Variants in PCNX4 observed in about 807,000 individuals in gnomAD.
The protein encoded by PCNX4 is pecanex 4, also known as pecanex-like protein 4.
PCNX4 carries 103 observed loss-of-function variants against 107.2 expected under a neutral mutation model. The observed-to-expected ratio is 0.96, with a 90% CI of 0.82 to 1.13. The LOEUF (loss-of-function observed/expected upper bound fraction) is 1.13, where lower values mean the gene tolerates loss of function less well. Among genes scored for constraint, PCNX4 ranks in the 50% most tolerant of loss-of-function variants. The pLI is 0.00. For missense variants in PCNX4, 1,528 were observed against 1,379.4 expected (o/e 1.11, Z -1.71); for synonymous variants, 541 against 481.7 (o/e 1.12, Z -1.61).
At chr14:60,099,731 A>T (rs1439164714) in intron 1 of PCNX4, among the ~76,000 whole-genome samples, 1 of 152,198 alleles carries the variant, frequency 6.6e-6, no homozygotes, top group Non-Finnish European at 1.5e-5. Context: ...TAAATATTTA[A>T]TCTTTTCTAG....
At chr14:60,103,376 A>G (rs758715676) in intron 1 of PCNX4, among the ~76,000 whole-genome samples, 1 of 152,212 alleles carries the variant, frequency 6.6e-6, no homozygotes, top group African/African-American at 2.4e-5. Context: ...CAAAGATCTC[A>G]AAGGCTTTAG....
intron 3 of PCNX4, 44 bp downstream of exon 3, chr14:60,114,923 G>T: frequency 6.4e-7 from 1 of 1,559,286 alleles, no homozygotes; most frequent in Non-Finnish European, 8.6e-7. Context: ...TATTCTTAAA[G>T]AACATTTTTC....
At chr14:60,092,775 G>C (rs1895330830) in intron 1 of PCNX4, among the ~76,000 whole-genome samples, 1 of 152,112 alleles carries the variant, frequency 6.6e-6, no homozygotes, top group Non-Finnish European at 1.5e-5. Flanking sequence ...TGTCCGAATT[G>C]TTCAACTCAT....
At chr14:60,112,200 G>T (rs749894925) in intron 2 of PCNX4, among the ~76,000 whole-genome samples, 11 of 152,076 alleles carry the variant, frequency 7.2e-5, no homozygotes, top group Non-Finnish European at 1.6e-4. Context: ...GCTTAGCTCA[G>T]ACACTCAGGA....
intron 2 of PCNX4, among the ~76,000 whole-genome samples, chr14:60,112,483 T>TA (rs1412105228): frequency 6.6e-6 from 1 of 152,222 alleles, no homozygotes; most frequent in Non-Finnish European, 1.5e-5. Flanking sequence ...AATGATCCAT[T>TA]TGGAGCTAAG....
chr14:60,104,147 C>T (rs540978377), intron 1 of PCNX4, among the ~76,000 whole-genome samples: 16 of 151,976 alleles, frequency 1.1e-4, no homozygotes, highest in African/African-American at 3.9e-4. Flanking sequence ...GGTGAAACCC[C>T]GTCTCCACTA....
chr14:60,096,129 G>A (rs1336459606), intron 1 of PCNX4, among the ~76,000 whole-genome samples: 2 of 128,786 alleles, frequency 1.6e-5, no homozygotes, highest in African/African-American at 5.3e-5. Flanking sequence ...ATTAACGAAG[G>A]TTTTGGGTGT....
rs115797431 is a variant in PCNX4, at chr14:60,098,010, G to A, written c.-54+5591G>A. Among the ~76,000 whole-genome samples the A allele has an allele frequency of 8.6e-3, 1,306 of 152,158 alleles. 16 individuals are homozygous for A. Among genetic ancestry groups the A allele is most frequent in the African/African-American group, 0.03 (1,232 of 41,514 alleles). On this transcript the variant is annotated intron_variant, in intron 1 of 10. Coordinates refer to ENST00000406854, the MANE Select transcript of PCNX4 (RefSeq NM_001330177.2). ...GAGCATCACCCTCTTCGACTTCGAC[G>A]AGGACCATCATTTTAAGTTTCACCT... is the stretch of plus-strand genomic sequence containing the variant.
chr14:60,095,759 C>T (rs930517468), intron 1 of PCNX4, among the ~76,000 whole-genome samples: 2 of 149,048 alleles, frequency 1.3e-5, no homozygotes, highest in Non-Finnish European at 3.0e-5. Flanking sequence ...TCTAGGAAGG[C>T]TCATTTCTAA....
At chr14:60,095,309 A>G (rs997019848) in intron 1 of PCNX4, among the ~76,000 whole-genome samples, 7 of 152,330 alleles carry the variant, frequency 4.6e-5, no homozygotes, top group South Asian at 4.1e-4. Context: ...TGCATTTTAC[A>G]TAAGATAACA....
intron 10 of PCNX4, among the ~76,000 whole-genome samples, chr14:60,130,962 C>T (rs969353604): frequency 2.6e-5 from 4 of 151,866 alleles, no homozygotes; most frequent in Non-Finnish European, 5.9e-5. Context: ...TAGATGAGAT[C>T]GTGAGCATGG....
chr14:60,101,496 C>T (rs750270026), intron 1 of PCNX4, among the ~76,000 whole-genome samples: 15 of 152,060 alleles, frequency 9.9e-5, no homozygotes, highest in Non-Finnish European at 1.5e-4. Context: ...CCTGAAAGTA[C>T]AACAAAAATA....
chr14:60,119,306 CTG>C (rs1327787607), intron 7 of PCNX4, among the ~76,000 whole-genome samples: 2 of 152,144 alleles, frequency 1.3e-5, no homozygotes, highest in Admixed American at 1.3e-4. Flanking sequence ...CAAACACTAA[CTG>C]TAAATTTTAA....
intron 1 of PCNX4, among the ~76,000 whole-genome samples, chr14:60,097,451 T>G (rs1895446637): frequency 6.6e-6 from 1 of 152,246 alleles, no homozygotes. Flanking sequence ...CTATAGCACC[T>G]TCAGGGTGGA....
chr14:60,118,478 G>T lies in PCNX4; in HGVS notation c.1728G>T (p.Val576=), dbSNP rs868420819. The T allele has an allele frequency of 5.6e-6, 9 of 1,613,486 alleles. No homozygotes were observed. Among genetic ancestry groups the T allele is most frequent in the Middle Eastern group, 3.3e-4 (2 of 6,084 alleles). The change falls in exon 7 of 11, where the codon GTG becomes GTT. Residue 576 remains valine, a synonymous_variant. Transcript: ENST00000406854. ...TCAACATTGTCTTTTCTCCATTCGTGTTGGTCATCATAGTTTTTTCTACAC... is the reference window on the plus strand; with the variant it reads ...TCAACATTGTCTTTTCTCCATTCGTTTTGGTCATCATAGTTTTTTCTACAC... The part of the protein sequence containing the change: ...CILNIVFSPF[V]LVIIVFSTLL...
rs750854423 is a variant in PCNX4 at position 60,115,117 on chromosome 14, C to G, written c.1013C>G (p.Thr338Ser). 1 of 1,613,818 alleles carries G rather than the reference C, an allele frequency of 6.2e-7. No individual in the cohort carries two copies. The highest frequency in any genetic ancestry group is 8.5e-7 in the Non-Finnish European group (1 of 1,179,848). Residue 338 changes from threonine to serine, a missense_variant, in exon 4 of 11, where the codon ACC becomes AGC. By Grantham distance (58) the Thr-to-Ser change is moderately conservative. Coordinates refer to ENST00000406854, the MANE Select transcript of PCNX4 (RefSeq NM_001330177.2). ...AGTGATATGGGTCACAAAATTGGAA[C>G]CAAATCTAAGGATTTACCCAGTGGT... is the stretch of plus-strand genomic sequence containing the variant. ...NLSDMGHKIG[T>S]KSKDLPSGPE...
At chr14:60,104,438 T>C (rs1895593699) in intron 1 of PCNX4, among the ~76,000 whole-genome samples, 1 of 152,192 alleles carries the variant, frequency 6.6e-6, no homozygotes, top group African/African-American at 2.4e-5. Flanking sequence ...GCTATGTCTT[T>C]AAAGTATTAC....
intron 10 of PCNX4, among the ~76,000 whole-genome samples, chr14:60,127,676 A>G (rs562667587): frequency 6.6e-6 from 1 of 152,358 alleles, no homozygotes; most frequent in East Asian, 1.9e-4. Context: ...CAGAATTTCT[A>G]CAGTGTTACC....
chr14:60,117,596 A>G (rs529522490), intron 6 of PCNX4, among the ~76,000 whole-genome samples: 1 of 152,324 alleles, frequency 6.6e-6, no homozygotes, highest in South Asian at 2.1e-4. Flanking sequence ...TCCATGTTTA[A>G]TACTTCAAGA....
Sources: gnomAD v4.1 joint callset for allele counts (sites outside exome capture counted in the v4.1 genomes callset) on GRCh38, gnomAD v4.1.1 for gene constraint, MANE v1.5 for transcripts, NCBI Gene and HGNC (gene_info 2026-07-23, HGNC 2026-07-21) for gene names.